SENP6: variants seen among roughly 807,000 people sequenced by gnomAD.
SENP6 encodes SUMO specific peptidase 6.
A neutral mutation model predicts 134.5 loss-of-function variants in SENP6; 41 were observed. That is an observed-to-expected ratio of 0.30 (90% confidence interval 0.24 to 0.40). The LOEUF is 0.40. SENP6 is among the 10% of genes least tolerant of loss of function. The pLI, the probability that SENP6 is intolerant of heterozygous loss-of-function variation, is 1.00. For synonymous variants in SENP6, 395 were observed against 429.8 expected (o/e 0.92, Z 1.00); for missense variants, 1,248 against 1,312.5 (o/e 0.95, Z 0.76).
chr6:75,633,866 T>A, intron 4 of SENP6, 140 bp downstream of exon 4: 1 of 554,490 alleles, frequency 1.8e-6, no homozygotes, highest in Non-Finnish European at 2.9e-6. Context: ...GGTCCCAGTA[T>A]GTGGATTCTT....
At chr6:75,652,504 T>C (rs1329174616) in intron 7 of SENP6, among the ~76,000 whole-genome samples, 1 of 151,226 alleles carries the variant, frequency 6.6e-6, no homozygotes. Flanking sequence ...GGGGGACAAA[T>C]GATATACAGA....
chr6:75,697,619 T>C (rs1774745127), intron 18 of SENP6, 102 bp downstream of exon 18: 2 of 760,000 alleles, frequency 2.6e-6, no homozygotes, highest in South Asian at 3.7e-5. Context: ...AAAACATCTT[T>C]CTGAAATCTC....
rs777915090 is a variant in SENP6 at position 75,623,905 on chromosome 6, C to A, written c.152C>A (p.Thr51Lys). Residue 51 changes from threonine (T) to lysine (K), a missense_variant, in exon 3 of 24, where the codon ACA becomes AAA. Thr to Lys is a moderately conservative substitution (Grantham distance 78). Coordinates refer to ENST00000447266, the MANE Select transcript of SENP6 (RefSeq NM_015571.4). ...ESEGDTDKDG[T>K]NLLSVDEDED... ...TCCCCTTATTTTCTGTGTAGTGGGACAAATCTGCTCAGTGTGGATGAAGAT... is the reference window on the plus strand; with the variant it reads ...TCCCCTTATTTTCTGTGTAGTGGGAAAAATCTGCTCAGTGTGGATGAAGAT... 1 of 1,603,684 alleles carries A rather than the reference C, an allele frequency of 6.2e-7. No homozygotes were observed. Among genetic ancestry groups the A allele is most frequent in the South Asian group, 1.1e-5 (1 of 88,898 alleles).
At chr6:75,710,206 G>T in intron 20 of SENP6, among the ~76,000 whole-genome samples, 1 of 151,862 alleles carries the variant, frequency 6.6e-6, no homozygotes, top group African/African-American at 2.4e-5. Flanking sequence ...TCTCCTGCCT[G>T]ATTCGATTTA....
At chr6:75,689,136 A>C (rs1774056993) in intron 16 of SENP6, among the ~76,000 whole-genome samples, 1 of 152,228 alleles carries the variant, frequency 6.6e-6, no homozygotes, top group Non-Finnish European at 1.5e-5. Context: ...CTGAGATGGG[A>C]GGATCACTTG....
intron 7 of SENP6, among the ~76,000 whole-genome samples, chr6:75,651,934 G>A (rs1245350981): frequency 8.6e-5 from 13 of 152,016 alleles, no homozygotes; most frequent in Admixed American, 8.5e-4. Context: ...CCAGCATTTG[G>A]GGAGGCCAAG....
rs535070881 is a variant in SENP6 at position 75,711,964 on chromosome 6, C to T, written c.2909+548C>T. 2.4e-4 allele frequency among the ~76,000 whole-genome samples: 37 copies of T among 152,302 alleles called. 1 individual carries two copies. In the Middle Eastern group the frequency reaches 0.014, roughly 56 times the overall value. On this transcript the variant is annotated intron_variant, in intron 21 of 23. Coordinates refer to ENST00000447266, the MANE Select transcript of SENP6 (RefSeq NM_015571.4). ...CTGGGATTACAGGCGTGACCCATCGCGCCCGGCCACAAGTTTTGATAGTGA... is the reference window on the plus strand; with the variant it reads ...CTGGGATTACAGGCGTGACCCATCGTGCCCGGCCACAAGTTTTGATAGTGA...
At chr6:75,604,405 G>A (rs1268083719) in intron 1 of SENP6, among the ~76,000 whole-genome samples, 1 of 152,214 alleles carries the variant, frequency 6.6e-6, no homozygotes, top group Non-Finnish European at 1.5e-5. Flanking sequence ...GCCGAGGCAG[G>A]CGGATCACTT....
At chr6:75,627,143 G>T (rs1768760335) in intron 3 of SENP6, among the ~76,000 whole-genome samples, 2 of 152,032 alleles carry the variant, frequency 1.3e-5, no homozygotes, top group African/African-American at 2.4e-5. Context: ...TTGTATTTTA[G>T]TAGAGCTGGG....
chr6:75,656,230 A>G (rs1771326484), intron 7 of SENP6, among the ~76,000 whole-genome samples: 2 of 151,694 alleles, frequency 1.3e-5, no homozygotes, highest in Admixed American at 6.6e-5. Flanking sequence ...AAAAAAAAAA[A>G]AAGAATACAC....
rs1562036027 is a variant in SENP6, at chr6:75,675,462, C to G, written c.1420C>G (p.Leu474Val). Residue 474 changes from leucine (L) to valine (V), a missense_variant, in exon 12 of 24, where the codon CTA (leucine) becomes GTA (valine). Transcript: ENST00000447266. Reference sequence around the variant, plus strand: ...TTGTTTAGATTTTATCAAGATACAGCTAGACGGTAAGCTATTTTATGTCTT... The same window carrying G: ...TTGTTTAGATTTTATCAAGATACAGGTAGACGGTAAGCTATTTTATGTCTT... The part of the protein sequence containing the change: ...IFCLDFIKIQ[L>V]DEPDHDPVEI... 3 of 1,454,300 alleles carry G rather than the reference C, an allele frequency of 2.1e-6. No homozygotes were observed. Among genetic ancestry groups the G allele is most frequent in the Non-Finnish European group, 9.5e-7 (1 of 1,057,210 alleles). 90.1% of individuals were successfully genotyped at this position (1,454,300 alleles called of 1,614,324 possible). A position where few individuals can be genotyped will look rare whatever the true frequency, so the allele number is the denominator to read the frequency against.
chr6:75,635,451 A>T (rs924269693), intron 5 of SENP6, among the ~76,000 whole-genome samples: 1 of 152,166 alleles, frequency 6.6e-6, no homozygotes, highest in African/African-American at 2.4e-5. Flanking sequence ...AAGATTTGGC[A>T]TATATTTTAG....
intron 9 of SENP6, among the ~76,000 whole-genome samples, chr6:75,666,378 T>G (rs1017316062): frequency 4.0e-5 from 6 of 150,250 alleles, no homozygotes; most frequent in Non-Finnish European, 8.9e-5. Context: ...TTAAATTTTT[T>G]GGGACTCTGA....
intron 1 of SENP6, among the ~76,000 whole-genome samples, chr6:75,606,208 T>C (rs1419660072): frequency 4.6e-5 from 7 of 152,248 alleles, no homozygotes; most frequent in Admixed American, 2.6e-4. Context: ...TCCATTTCTT[T>C]TTATAGCTTC....
intron 16 of SENP6, among the ~76,000 whole-genome samples, chr6:75,692,771 TC>T (rs748884571): frequency 4.6e-5 from 7 of 150,906 alleles, no homozygotes; most frequent in Admixed American, 1.3e-4. Context: ...CTGTGGCTCT[TC>T]CTCCTTCCCT....
chr6:75,660,220 C>T (rs927877362), intron 8 of SENP6, among the ~76,000 whole-genome samples: 2 of 152,138 alleles, frequency 1.3e-5, no homozygotes, highest in Admixed American at 1.3e-4. Flanking sequence ...AGAAATGATG[C>T]TGTAATCTTA....
chr6:75,636,961 G>A (rs749897897), intron 5 of SENP6, among the ~76,000 whole-genome samples: 4 of 151,026 alleles, frequency 2.6e-5, no homozygotes, highest in Non-Finnish European at 5.9e-5. Context: ...GCTCACTGCA[G>A]CCTCAAACTT....
At chr6:75,622,222 A>G (rs1167691145) in intron 2 of SENP6, among the ~76,000 whole-genome samples, 1 of 152,230 alleles carries the variant, frequency 6.6e-6, no homozygotes, top group East Asian at 1.9e-4. Flanking sequence ...TAGTTTTAAT[A>G]GAACTTTTTG....
intron 1 of SENP6, among the ~76,000 whole-genome samples, chr6:75,615,149 C>T (rs937437106): frequency 1.3e-5 from 2 of 152,060 alleles, no homozygotes; most frequent in Non-Finnish European, 2.9e-5. Flanking sequence ...CCTTGGCCTC[C>T]CAAAGTGCTG....
Sources: allele counts gnomAD v4.1 joint callset (sites outside exome capture counted in the v4.1 genomes callset), GRCh38; gene constraint gnomAD v4.1.1; transcripts MANE v1.5; gene names NCBI Gene and HGNC (gene_info 2026-07-23, HGNC 2026-07-21).